The following CAMK2B variants were observed in gnomAD, a reference collection of about 807,000 sequenced individuals.
CAMK2B encodes the protein calcium/calmodulin dependent protein kinase II beta.
CAMK2B carries 27 observed loss-of-function variants against 93.7 expected under a neutral mutation model. The observed-to-expected ratio is 0.29, with a 90% CI of 0.21 to 0.40. CAMK2B has a LOEUF of 0.40. Ranked by LOEUF, CAMK2B falls within the 10% of genes least tolerant of loss-of-function variation. CAMK2B has a pLI of 1.00. For missense variants in CAMK2B, 568 were observed against 895.8 expected (o/e 0.63, Z 4.67); for synonymous variants, 374 against 358.8 (o/e 1.04, Z -0.48).
Position 44,228,687 on chromosome 7 carries a change from C to T in CAMK2B, c.1468+109G>A, listed in dbSNP as rs976449277. On this transcript the variant is annotated intron_variant, in intron 19 of 23. Coordinates refer to ENST00000395749, the MANE Select transcript of CAMK2B (RefSeq NM_001220.5). ...AGGGCAGGACTCCAGGCTGCGGCGC[C>T]GGGGCAGGGTAGCTGGGCCGTGCAT... 4.0e-5 allele frequency: 44 copies of T among 1,088,542 alleles called. No homozygotes were observed. In the South Asian group the frequency reaches 4.9e-4, roughly 12 times the overall value. 67.4% of individuals were successfully genotyped at this position (1,088,542 alleles called of 1,614,324 possible). A position where few individuals can be genotyped will look rare whatever the true frequency, so the allele number is the denominator to read the frequency against.
intron 9 of CAMK2B, 79 bp downstream of exon 9, chr7:44,242,481 C>G: frequency 2.0e-6 from 3 of 1,509,396 alleles, no homozygotes; most frequent in South Asian, 1.2e-5. Flanking sequence ...TCACCCCACT[C>G]CTAGCCTCTT....
rs923953351 is a variant in CAMK2B at position 44,243,128 on chromosome 7, G to T, written c.601+122C>A. On this transcript the variant is annotated intron_variant, in intron 8 of 23. Transcript: ENST00000395749. ...CCCTGCCAGGGCAGCTCAAGGGCAG[G>T]TCTGACACAGATAAACCCAGATGAG... The T allele has an allele frequency of 5.8e-5, 43 of 747,000 alleles. No individual in the cohort carries two copies. The African/African-American group carries it at 7.1e-4, about 12-fold the overall frequency. The allele number at this position is 747,000 out of a possible 1,614,324, so 46.3% of individuals were successfully genotyped here.
intron 20 of CAMK2B, among the ~76,000 whole-genome samples, chr7:44,222,850 T>C (rs2096428375): frequency 6.6e-6 from 1 of 151,836 alleles, no homozygotes; most frequent in African/African-American, 2.4e-5. Context: ...GGTGACTGAG[T>C]CCACAAAGGA....
At chr7:44,259,997 G>A (rs781531147) in intron 3 of CAMK2B, among the ~76,000 whole-genome samples, 4 of 152,190 alleles carry the variant, frequency 2.6e-5, no homozygotes, top group South Asian at 4.1e-4. Flanking sequence ...GCAGAATAGG[G>A]CTGTGGACTC....
At chr7:44,287,780 A>G (rs1785542819) in intron 1 of CAMK2B, among the ~76,000 whole-genome samples, 1 of 152,164 alleles carries the variant, frequency 6.6e-6, no homozygotes, top group South Asian at 2.1e-4. Context: ...ATCCAATGCA[A>G]ACAGCTCCCC....
intron 2 of CAMK2B, among the ~76,000 whole-genome samples, chr7:44,263,505 G>T (rs905757808): frequency 6.6e-6 from 1 of 152,176 alleles, no homozygotes; most frequent in African/African-American, 2.4e-5. Context: ...CTGGCAGGAG[G>T]AGGAGGGGAA....
chr7:44,263,570 G>A (rs1478113895), intron 2 of CAMK2B, among the ~76,000 whole-genome samples: 1 of 152,064 alleles, frequency 6.6e-6, no homozygotes. Context: ...TGAAGCAGGA[G>A]GTGGCCCCTC....
At chr7:44,281,948 C>T (rs1244639506) in intron 2 of CAMK2B, among the ~76,000 whole-genome samples, 1 of 152,228 alleles carries the variant, frequency 6.6e-6, no homozygotes, top group African/African-American at 2.4e-5. Flanking sequence ...CCAGAAGGAC[C>T]TCTCATTCTC....
intron 21 of CAMK2B, 32 bp from the exon 22 acceptor site, chr7:44,220,742 C>G: frequency 6.3e-7 from 1 of 1,588,336 alleles, no homozygotes; most frequent in Non-Finnish European, 8.6e-7. Context: ...GGAGGGGCCC[C>G]GTGGACCCCT....
chr7:44,263,805 A>G (rs2096900943), intron 2 of CAMK2B: 1 of 154,224 alleles, frequency 6.5e-6, no homozygotes, highest in African/African-American at 2.4e-5. Flanking sequence ...TTCCACTGAC[A>G]GAGGGAGGAC....
chr7:44,229,380 C>G lies in CAMK2B; in HGVS notation c.1339+8G>C. The G allele has an allele frequency of 1.3e-6, 2 of 1,516,512 alleles. No individual in the cohort carries two copies. The highest frequency in any genetic ancestry group is 8.9e-7 in the Non-Finnish European group (1 of 1,125,860). The allele number at this position is 1,516,512 out of a possible 1,614,324, so 93.9% of individuals were successfully genotyped here. On this transcript the variant is annotated splice_region_variant and intron_variant, in intron 18 of 23. Transcript: ENST00000395749. ...GACCCCCACAGCAGCAGGACCCAGG[C>G]TACTTACATGGGGCTGGCAGGGGGC... is the stretch of plus-strand genomic sequence containing the variant.
chr7:44,285,387 G>A (rs974796391), intron 1 of CAMK2B, among the ~76,000 whole-genome samples: 3 of 152,170 alleles, frequency 2.0e-5, no homozygotes, highest in African/African-American at 2.4e-5. Context: ...GCACCCACCC[G>A]TGCAAACCCG....
At chr7:44,253,174 A>T (rs1405945118) in intron 5 of CAMK2B, among the ~76,000 whole-genome samples, 1 of 152,230 alleles carries the variant, frequency 6.6e-6, no homozygotes, top group South Asian at 2.1e-4. Flanking sequence ...TGGATCAGAA[A>T]AGTAATACAT....
chr7:44,305,181 C>G (rs1381385905), intron 1 of CAMK2B, among the ~76,000 whole-genome samples: 1 of 152,192 alleles, frequency 6.6e-6, no homozygotes, highest in African/African-American at 2.4e-5. Context: ...ACGCATGGCC[C>G]TCTCAGTGTA....
At chr7:44,323,175 G>A (rs1441152196) in intron 1 of CAMK2B, among the ~76,000 whole-genome samples, 2 of 152,216 alleles carry the variant, frequency 1.3e-5, no homozygotes, top group South Asian at 2.1e-4. Context: ...GGCCCTTGGC[G>A]TCGCCAGGGA....
In CAMK2B at chr7:44,300,024, G is replaced by GTC. The variant is rs200664381; in HGVS notation, c.66-15800_66-15799insGA. 9.1e-3 allele frequency among the ~76,000 whole-genome samples: 1,179 copies of GTC among 130,060 alleles called. 12 individuals are homozygous for GTC. The highest frequency in any genetic ancestry group is 0.025 in the African/African-American group (948 of 38,514). The allele number at this position is 130,060 out of a possible 152,430, so 85.3% of individuals were successfully genotyped here. ...TGTATGTATATGTGTATGTGTCTGT[G>GTC]TGTGTGTGTGTGTGTGTGTGTGTGT... On this transcript the variant is annotated intron_variant, in intron 1 of 23. Transcript: ENST00000395749.
chr7:44,220,167 G>A lies in CAMK2B; in HGVS notation c.1896C>T (p.Pro632=), dbSNP rs979180999. 2 of 1,611,868 alleles carry A rather than the reference G, an allele frequency of 1.2e-6. No homozygotes were observed. Among genetic ancestry groups the A allele is most frequent in the African/African-American group, 2.7e-5 (2 of 74,936 alleles). The change falls in exon 23 of 24, where the codon CCC becomes CCT. Residue 632 remains proline (P), a synonymous_variant. Coordinates refer to ENST00000395749, the MANE Select transcript of CAMK2B (RefSeq NM_001220.5). ...LTQYIDGQGR[P]RTSQSEETRV... is the part of the protein sequence containing the mutation. ...GGGTCTCCTCAGACTGGCTGGTGCG[G>A]GGCCGGCCCTGCCCGTCAATGTACT...
chr7:44,220,950 C>G, intron 20 of CAMK2B, 49 bp from the exon 21 acceptor site: 1 of 1,491,208 alleles, frequency 6.7e-7, no homozygotes, highest in Non-Finnish European at 9.1e-7. Context: ...CCCATTCCCC[C>G]CGGACCCCTC....
chr7:44,256,007 G>C (rs1219308091), intron 4 of CAMK2B, among the ~76,000 whole-genome samples: 1 of 152,020 alleles, frequency 6.6e-6, no homozygotes, highest in Non-Finnish European at 1.5e-5. Flanking sequence ...GTCCAGGCTG[G>C]GGCTGGGGGC....
Sources: allele counts gnomAD v4.1 joint callset (sites outside exome capture counted in the v4.1 genomes callset), GRCh38; gene constraint gnomAD v4.1.1; transcripts MANE v1.5; gene names NCBI Gene and HGNC (gene_info 2026-07-23, HGNC 2026-07-21).